Variants in WDPCP observed in about 807,000 individuals in gnomAD.
WDPCP encodes WD repeat-containing and planar cell polarity effector protein fritz homolog.
In WDPCP, 71 loss-of-function variants were observed where a neutral mutation model predicts 93.1. That is an observed-to-expected ratio of 0.76 (90% CI 0.63 to 0.93). WDPCP has a LOEUF of 0.93. Ranked by LOEUF, WDPCP falls within the 40% of genes least tolerant of loss-of-function variation. The probability of loss-of-function intolerance (pLI) is 0.00; values close to 1 mark genes in which losing one functional copy is unlikely to be tolerated. For missense variants in WDPCP, 844 were observed against 887.4 expected, an observed-to-expected ratio of 0.95 and a Z score of 0.62; for synonymous variants, 315 against 315.0, an observed-to-expected ratio of 1.00 and a Z score of 0.00.
chr2:63,339,192 G>C (rs1206497310), intron 12 of WDPCP, among the ~76,000 whole-genome samples: 1 of 150,966 alleles, frequency 6.6e-6, no homozygotes, highest in Non-Finnish European at 1.5e-5. Flanking sequence ...TTTATTTTTT[G>C]AGATGGAGTC....
intron 6 of WDPCP, among the ~76,000 whole-genome samples, chr2:63,481,423 G>A (rs1700259947): frequency 6.6e-6 from 1 of 151,890 alleles, no homozygotes; most frequent in Admixed American, 6.6e-5. Context: ...GTCATTATAC[G>A]AAAAAGATAC....
At chr2:63,788,053 AAAAT>A (rs1427112394) in intron 2 of WDPCP, among the ~76,000 whole-genome samples, 1 of 152,088 alleles carries the variant, frequency 6.6e-6, no homozygotes, top group African/African-American at 2.4e-5. Flanking sequence ...AAAATAAAAT[AAAAT>A]AAATAAAATA....
intron 6 of WDPCP, among the ~76,000 whole-genome samples, chr2:63,481,572 T>C (rs1042496042): frequency 2.6e-5 from 4 of 152,054 alleles, no homozygotes; most frequent in Non-Finnish European, 5.9e-5. Context: ...TAAAAAGCAA[T>C]GAAATAATGG....
At chr2:63,524,761 TTAAAC>T (rs1703197873) in intron 1 of WDPCP, among the ~76,000 whole-genome samples, 1 of 152,142 alleles carries the variant, frequency 6.6e-6, no homozygotes, top group African/African-American at 2.4e-5. Flanking sequence ...TGGGATCTAA[TTAAAC>T]TAAAGAACTT....
At position 63,437,445 on chromosome 2, in the gene WDPCP, T is replaced by A. The variant is rs758621899; in HGVS notation, c.609A>T (p.Glu203Asp). The A allele has an allele frequency of 6.2e-7, 1 of 1,603,234 alleles. No individual in the cohort carries two copies. Among genetic ancestry groups the A allele is most frequent in the Non-Finnish European group, 8.5e-7 (1 of 1,174,562 alleles). The change falls in exon 8 of 18, where the codon GAA (glutamate) becomes GAT (aspartate). Residue 203 changes from glutamate (E) to aspartate (D), a missense_variant. Physicochemically the swap from Glu to Asp is conservative, Grantham distance 45. Transcript: ENST00000272321. ...MESSDVNKRL[E>D]KLSALDYKIF... ...CCTTATAATCCAAGGCTGAGAGTTT[T>A]TCCAGTCTTTTGTTTACATCAGAAG...
chr2:63,562,724 T>C (rs975621493), intron 1 of WDPCP, among the ~76,000 whole-genome samples: 2 of 152,222 alleles, frequency 1.3e-5, no homozygotes, highest in African/African-American at 2.4e-5. Context: ...ATAAATTTCA[T>C]GTATGTACTT....
chr2:63,397,752 G>A (rs1000136459), intron 10 of WDPCP, among the ~76,000 whole-genome samples: 6 of 152,120 alleles, frequency 3.9e-5, no homozygotes, highest in African/African-American at 1.4e-4. Context: ...ACTTTTCCAA[G>A]AGCAGTTCTG....
intron 2 of WDPCP, among the ~76,000 whole-genome samples, chr2:63,693,146 C>A (rs764779547): frequency 3.3e-5 from 5 of 152,124 alleles, no homozygotes; most frequent in Non-Finnish European, 7.3e-5. Context: ...CATGCATTCA[C>A]TCATCAGAAA....
chr2:63,426,981 G>T (rs1696362343), intron 9 of WDPCP, among the ~76,000 whole-genome samples: 1 of 152,074 alleles, frequency 6.6e-6, no homozygotes, highest in Non-Finnish European at 1.5e-5. Flanking sequence ...AGTCGAGAAG[G>T]ACAAAGAAGG....
At chr2:63,343,289 AT>A (rs202066228) in intron 12 of WDPCP, among the ~76,000 whole-genome samples, 24,123 of 145,990 alleles carry the variant, frequency 0.17, 2,122 homozygotes, top group Admixed American at 0.25. Flanking sequence ...ATTACAGGTG[AT>A]TTTTTTTTTT....
chr2:63,630,443 G>T (rs974408467), intron 3 of WDPCP, among the ~76,000 whole-genome samples: 18 of 151,856 alleles, frequency 1.2e-4, no homozygotes, highest in African/African-American at 4.4e-4. Flanking sequence ...AATGAAAAAA[G>T]ATATCATGCA....
chr2:63,794,399 T>C (rs943967993), intron 2 of WDPCP, among the ~76,000 whole-genome samples: 2 of 152,208 alleles, frequency 1.3e-5, no homozygotes, highest in Non-Finnish European at 2.9e-5. Flanking sequence ...TGGCATTCCC[T>C]TAGAAAAAGG....
intron 12 of WDPCP, among the ~76,000 whole-genome samples, chr2:63,354,720 G>A (rs1156340854): frequency 6.6e-6 from 1 of 151,908 alleles, no homozygotes; most frequent in African/African-American, 2.4e-5. Flanking sequence ...ATGTATGTGT[G>A]TGTGTGTGTG....
At chr2:63,542,628 C>T (rs1406430366) in intron 1 of WDPCP, among the ~76,000 whole-genome samples, 1 of 152,168 alleles carries the variant, frequency 6.6e-6, no homozygotes, top group Non-Finnish European at 1.5e-5. Flanking sequence ...TTGCATTACT[C>T]AAATACTAAA....
chr2:63,836,531 C>A, the WDPCP span, among the ~76,000 whole-genome samples: 1 of 152,142 alleles, frequency 6.6e-6, no homozygotes, highest in African/African-American at 2.4e-5. Flanking sequence ...AAGATGGTTT[C>A]TTATTAGTTT....
At chr2:63,306,657 T>C (rs1271568312) in intron 13 of WDPCP, among the ~76,000 whole-genome samples, 1 of 152,092 alleles carries the variant, frequency 6.6e-6, no homozygotes, top group Non-Finnish European at 1.5e-5. Context: ...ATTATCACAA[T>C]AGATGCAGAA....
intron 2 of WDPCP, among the ~76,000 whole-genome samples, chr2:63,791,954 A>G (rs956305868): frequency 6.6e-6 from 1 of 152,176 alleles, no homozygotes; most frequent in African/African-American, 2.4e-5. Flanking sequence ...AATCATTGCT[A>G]TTTAGTTATT....
intron 9 of WDPCP, among the ~76,000 whole-genome samples, chr2:63,421,318 GT>G (rs1347554277): frequency 3.9e-4 from 59 of 152,056 alleles, no homozygotes; most frequent in Non-Finnish European, 2.2e-4. Flanking sequence ...TACAAATTAT[GT>G]TTATATTAAT....
At chr2:63,214,331 T>C (rs1483397308) in intron 14 of WDPCP, among the ~76,000 whole-genome samples, 6 of 152,142 alleles carry the variant, frequency 3.9e-5, no homozygotes, top group Admixed American at 3.9e-4. Context: ...TGCAAATCAA[T>C]AAACATAATC....
Sources: gnomAD v4.1 joint callset for allele counts (sites outside exome capture counted in the v4.1 genomes callset) on GRCh38, gnomAD v4.1.1 for gene constraint, MANE v1.5 for transcripts, NCBI Gene and HGNC (gene_info 2026-07-23, HGNC 2026-07-21) for gene names.